Variants in AGAP3 observed in about 807,000 individuals in gnomAD.
The protein encoded by AGAP3 is ArfGAP with GTPase domain, ankyrin repeat and PH domain 3.
A neutral mutation model predicts 96.9 loss-of-function variants in AGAP3; 24 were observed. The observed-to-expected ratio is 0.25, with a 90% CI of 0.18 to 0.35. The LOEUF is 0.35. Among genes scored for constraint, AGAP3 ranks in the 10% least tolerant of loss-of-function variants. The pLI is 1.00. For missense variants in AGAP3, 876 were observed against 1,254.2 expected, an observed-to-expected ratio of 0.70 and a Z score of 4.55; for synonymous variants, 563 against 536.1, an observed-to-expected ratio of 1.05 and a Z score of -0.69.
At chr7:151,116,132 G>A (rs1585071496) in intron 1 of AGAP3, among the ~76,000 whole-genome samples, 1 of 152,210 alleles carries the variant, frequency 6.6e-6, no homozygotes. Flanking sequence ...CTGGCTGTCG[G>A]AGGGCTCTGG....
chr7:151,139,946 C>A lies in AGAP3; in HGVS notation c.1667-33C>A. ...GCCCCTCCCCTCCTCTGCCTCCCTT[C>A]TTCCCACACTTCTCCAACTCTCCCC... On this transcript the variant is annotated intron_variant, in intron 12 of 17. Transcript: ENST00000397238. This position sits in a 1 kb window ranked among gnomAD's most constrained non-coding sequence, Gnocchi z 4.9. 1 of 1,486,408 alleles carries A rather than the reference C, an allele frequency of 6.7e-7. No individual in the cohort carries two copies. Among genetic ancestry groups the A allele is most frequent in the Non-Finnish European group, 9.0e-7 (1 of 1,114,734 alleles). 92.1% of individuals were successfully genotyped at this position (1,486,408 alleles called of 1,614,324 possible). A position where few individuals can be genotyped will look rare whatever the true frequency, so the allele number is the denominator to read the frequency against.
In AGAP3 at chr7:151,117,319, G is replaced by A. The variant is rs1423204879; in HGVS notation, c.479-52G>A. 7 of 1,609,664 alleles carry A rather than the reference G, an allele frequency of 4.3e-6. No homozygotes were observed. The East Asian group carries it at 1.1e-4, about 26-fold the overall frequency. ...ATGGGAAGCTGTAGATTTCTTCTTG[G>A]CCCCTGGATTCTTTCTCCACACTTT... On this transcript the variant is annotated intron_variant, in intron 3 of 17. Coordinates refer to ENST00000397238, the MANE Select transcript of AGAP3 (RefSeq NM_031946.7).
intron 12 of AGAP3, 105 bp downstream of exon 12, chr7:151,138,418 T>C (rs1800689789): frequency 7.4e-7 from 1 of 1,348,134 alleles, no homozygotes; most frequent in Non-Finnish European, 9.9e-7. Context: ...TGGGACAGTG[T>C]CCAGGCCAAG....
At position 151,123,084 on chromosome 7, in the gene AGAP3, G is replaced by A. The variant is rs1799989547; in HGVS notation, c.1129-710G>A. The A allele has an allele frequency of 4.1e-6, 5 of 1,212,372 alleles. No homozygotes were observed. The South Asian group carries it at 9.2e-5, about 22-fold the overall frequency. The allele number at this position is 1,212,372 out of a possible 1,614,324, so 75.1% of individuals were successfully genotyped here. A position where few individuals can be genotyped will look rare whatever the true frequency, so the allele number is the denominator to read the frequency against. On this transcript the variant is annotated intron_variant, in intron 8 of 17. Transcript: ENST00000397238. ...AGCGCGACGAGGCCCAGAGGGGCGG[G>A]GGAGTCCAAGCCCGCCCGGCCCGGC...
At position 151,128,389 on chromosome 7, in the gene AGAP3, C is replaced by T. The variant is rs996752503; in HGVS notation, c.1222-191C>T. The T allele has an allele frequency of 1.6e-5, 9 of 561,658 alleles. No individual in the cohort carries two copies. The East Asian group carries it at 1.8e-4, about 11-fold the overall frequency. The allele number at this position is 561,658 out of a possible 1,614,324, so 34.8% of individuals were successfully genotyped here. A position where few individuals can be genotyped will look rare whatever the true frequency, so the allele number is the denominator to read the frequency against. ...TTCCTGATGGATGATGGGGGAGAGC[C>T]GAGTTCTGGGGAAGGACTGGTCTAA... On this transcript the variant is annotated intron_variant, in intron 9 of 17. Transcript: ENST00000397238.
Position 151,139,913 on chromosome 7 carries a change from T to C in AGAP3, c.1667-66T>C. 7.2e-7 allele frequency: 1 copy of C among 1,391,364 alleles called. No individual in the cohort carries two copies. The allele number at this position is 1,391,364 out of a possible 1,614,324, so 86.2% of individuals were successfully genotyped here. A position where few individuals can be genotyped will look rare whatever the true frequency, so the allele number is the denominator to read the frequency against. On this transcript the variant is annotated intron_variant, in intron 12 of 17. Transcript: ENST00000397238. The surrounding 1 kb of genome is among the most constrained non-coding windows in gnomAD (Gnocchi z 4.9). ...AGGACTGGTCCTCTCCTCCTCCCAG[T>C]GCCCTGCGCCCCTCCCCTCCTCTGC...
At chr7:151,129,752 A>G (rs1240531938) in intron 10 of AGAP3, among the ~76,000 whole-genome samples, 3 of 150,554 alleles carry the variant, frequency 2.0e-5, no homozygotes, top group East Asian at 4.3e-4. Context: ...TTGCGAGGCA[A>G]TGAGAGGCAG....
chr7:151,097,926 T>G (rs919889440), intron 1 of AGAP3, among the ~76,000 whole-genome samples: 2 of 152,220 alleles, frequency 1.3e-5, no homozygotes, highest in Non-Finnish European at 2.9e-5. Context: ...TGTTCTTCTG[T>G]TCATACCACG....
chr7:151,088,301 C>T (rs966616941), intron 1 of AGAP3, among the ~76,000 whole-genome samples: 2 of 152,370 alleles, frequency 1.3e-5, no homozygotes, highest in Admixed American at 6.5e-5. Flanking sequence ...GTCTGACTTC[C>T]TTCTGCCTTT....
intron 11 of AGAP3, among the ~76,000 whole-genome samples, chr7:151,135,698 G>T (rs959791216): frequency 6.6e-6 from 1 of 152,080 alleles, no homozygotes; most frequent in Non-Finnish European, 1.5e-5. Flanking sequence ...GGAGTGGCCA[G>T]GGGGAGGGGC....
At chr7:151,109,179 A>C (rs1369187330) in intron 1 of AGAP3, among the ~76,000 whole-genome samples, 1 of 148,374 alleles carries the variant, frequency 6.7e-6, no homozygotes, top group African/African-American at 2.6e-5. Context: ...AAAAAAAAAA[A>C]ACAAAAAACA....
intron 1 of AGAP3, among the ~76,000 whole-genome samples, chr7:151,097,638 C>T (rs1165150925): frequency 6.6e-6 from 1 of 151,798 alleles, no homozygotes; most frequent in Non-Finnish European, 1.5e-5. Flanking sequence ...GAGCTTTTTA[C>T]GGGTGGCAGA....
chr7:151,120,530 G>C (rs1385827995), intron 8 of AGAP3: 4 of 879,066 alleles, frequency 4.6e-6, no homozygotes, highest in Admixed American at 2.3e-5. Flanking sequence ...CTAATGAACC[G>C]GCGGCCGGAA....
At chr7:151,098,637 C>T (rs566292782) in intron 1 of AGAP3, among the ~76,000 whole-genome samples, 1 of 151,860 alleles carries the variant, frequency 6.6e-6, no homozygotes, top group Non-Finnish European at 1.5e-5. Context: ...GGCGACAGAG[C>T]AAGACCAGTC....
At chr7:151,100,200 G>A (rs1258321438) in intron 1 of AGAP3, among the ~76,000 whole-genome samples, 1 of 152,202 alleles carries the variant, frequency 6.6e-6, no homozygotes, top group Non-Finnish European at 1.5e-5. Flanking sequence ...TGGGGATTTC[G>A]TGCTCCCCCA....
Position 151,139,969 on chromosome 7 carries a change from C to G in AGAP3, c.1667-10C>G. On this transcript the variant is annotated splice_polypyrimidine_tract_variant and intron_variant, in intron 12 of 17. Transcript: ENST00000397238. This position sits in a 1 kb window ranked among gnomAD's most constrained non-coding sequence, Gnocchi z 4.9. Reference sequence around the variant, plus strand: ...TTCTTCCCACACTTCTCCAACTCTCCCCTCACCAGCCAGTGGCCCAGCTGA... The same window carrying G: ...TTCTTCCCACACTTCTCCAACTCTCGCCTCACCAGCCAGTGGCCCAGCTGA... The G allele has an allele frequency of 6.5e-7, 1 of 1,543,970 alleles. No individual in the cohort carries two copies. The highest frequency in any genetic ancestry group is 8.7e-7 in the Non-Finnish European group (1 of 1,145,948).
At chr7:151,115,574 C>T in intron 1 of AGAP3, 2 of 1,147,306 alleles carry the variant, frequency 1.7e-6, no homozygotes, top group Non-Finnish European at 2.1e-6. Context: ...GGAGGGAGCC[C>T]GCGCCCGCCG....
chr7:151,118,068 AC>A lies in AGAP3; in HGVS notation c.707-139del. ...GAGGCCATGGAAGGGTTGAAATGAG[AC>A]CCAGGCACCCGCGTTCTTGGTGCTC... On this transcript the variant is annotated intron_variant, in intron 5 of 17. Transcript: ENST00000397238. The surrounding 1 kb of genome is among the most constrained non-coding windows in gnomAD (Gnocchi z 6.1). 1 of 1,167,512 alleles carries A rather than the reference AC, an allele frequency of 8.6e-7. No individual in the cohort carries two copies. The highest frequency in any genetic ancestry group is 1.2e-6 in the Non-Finnish European group (1 of 836,342). The allele number at this position is 1,167,512 out of a possible 1,614,324, so 72.3% of individuals were successfully genotyped here. A position where few individuals can be genotyped will look rare whatever the true frequency, so the allele number is the denominator to read the frequency against.
chr7:151,142,125 C>G lies in AGAP3; in HGVS notation c.1960-38C>G, dbSNP rs750991589. On this transcript the variant is annotated intron_variant, in intron 14 of 17. Coordinates refer to ENST00000397238, the MANE Select transcript of AGAP3 (RefSeq NM_031946.7). The surrounding 1 kb of genome is among the most constrained non-coding windows in gnomAD (Gnocchi z 7.5). ...GACTGAAAGGGGCCTCATGACTGAC[C>G]AACCGCCCCTTGTCTTGTCTCTCCT... The G allele has an allele frequency of 6.2e-7, 1 of 1,610,738 alleles. No homozygotes were observed. The highest frequency in any genetic ancestry group is 8.5e-7 in the Non-Finnish European group (1 of 1,177,974).
Sources: gnomAD v4.1 joint callset for allele counts (sites outside exome capture counted in the v4.1 genomes callset) on GRCh38, gnomAD v4.1.1 for gene constraint, Gnocchi (gnomAD v3.1) non-coding constraint, MANE v1.5 for transcripts, NCBI Gene and HGNC (gene_info 2026-07-23, HGNC 2026-07-21) for gene names.